RAB5A: variants seen among roughly 807,000 people sequenced by gnomAD.
RAB5A encodes the protein ras-related protein Rab-5A.
A neutral mutation model predicts 25.7 loss-of-function variants in RAB5A; 8 were observed. The ratio of observed to expected loss-of-function variants is 0.31; its 90% CI spans 0.18 to 0.56. The LOEUF is 0.56. Among genes scored for constraint, RAB5A ranks in the 20% least tolerant of loss-of-function variants. The pLI is 0.91. For synonymous variants in RAB5A, 98 were observed against 89.8 expected (o/e 1.09, Z -0.52); for missense variants, 192 against 259.7 (o/e 0.74, Z 1.79).
intron 5 of RAB5A, among the ~76,000 whole-genome samples, chr3:19,982,763 TA>T (rs62910362): frequency 0.22 from 30,777 of 139,482 alleles, 3,671 homozygotes; most frequent in African/African-American, 0.36. Context: ...CCTTGTCTCT[TA>T]AAAAAAAAAA....
At chr3:19,968,412 C>T (rs1261291042) in intron 2 of RAB5A, among the ~76,000 whole-genome samples, 1 of 152,146 alleles carries the variant, frequency 6.6e-6, no homozygotes, top group Non-Finnish European at 1.5e-5. Flanking sequence ...ATTTATTATA[C>T]TCTAGCCAAA....
rs1696328745 is a variant in RAB5A, at chr3:19,947,466, C to G, written c.-149C>G. On this transcript the variant is annotated 5_prime_UTR_variant, in exon 1 of 6. Coordinates refer to ENST00000273047, the MANE Select transcript of RAB5A (RefSeq NM_004162.5). ...TACACTCTCATCCTACGGGCCACGC[C>G]TGGGCCTTGCTGCCAGGAAGCTTCG... 1 of 153,390 alleles carries G rather than the reference C, an allele frequency of 6.5e-6. No individual in the cohort carries two copies. Among genetic ancestry groups the G allele is most frequent in the Non-Finnish European group, 1.5e-5 (1 of 68,578 alleles). The allele number at this position is 153,390 out of a possible 1,614,324, so 9.5% of individuals were successfully genotyped here. A position where few individuals can be genotyped will look rare whatever the true frequency, so the allele number is the denominator to read the frequency against.
At chr3:19,981,021 C>CTATGGTAAAGT (rs1267223524) in intron 5 of RAB5A, among the ~76,000 whole-genome samples, 5 of 152,196 alleles carry the variant, frequency 3.3e-5, no homozygotes, top group Admixed American at 6.5e-5. Flanking sequence ...TGAGTCAAAG[C>CTATGGTAAAGT]TATGGTAAAG....
chr3:19,955,759 C>T (rs1362925249), intron 2 of RAB5A, among the ~76,000 whole-genome samples: 4 of 152,012 alleles, frequency 2.6e-5, no homozygotes, highest in Admixed American at 6.5e-5. Context: ...GGCATGGTGG[C>T]GTGCGCCTGT....
intron 5 of RAB5A, among the ~76,000 whole-genome samples, chr3:19,979,402 G>GCCTCT (rs1259495418): frequency 6.6e-6 from 1 of 151,320 alleles, no homozygotes; most frequent in Non-Finnish European, 1.5e-5. Context: ...TCCTGCCTCA[G>GCCTCT]CCTCTCCTGT....
intron 5 of RAB5A, among the ~76,000 whole-genome samples, chr3:19,980,405 T>C (rs774460643): frequency 1.3e-3 from 201 of 152,210 alleles, no homozygotes; most frequent in Non-Finnish European, 2.4e-3. Context: ...ATGTTGTAAA[T>C]GGAATTGTGG....
intron 2 of RAB5A, among the ~76,000 whole-genome samples, chr3:19,969,627 A>G (rs886601357): frequency 6.6e-6 from 1 of 152,226 alleles, no homozygotes; most frequent in South Asian, 2.1e-4. Context: ...ATTTTTGTGT[A>G]ATCAAATCTG....
intron 3 of RAB5A, 59 bp from the exon 4 acceptor site, chr3:19,975,988 A>G: frequency 1.3e-6 from 2 of 1,572,478 alleles, no homozygotes; most frequent in Non-Finnish European, 1.7e-6. Context: ...TTGTATCACA[A>G]AGATGCTTGG....
At chr3:19,959,674 G>A (rs115286968) in intron 2 of RAB5A, among the ~76,000 whole-genome samples, 2,477 of 148,510 alleles carry the variant, frequency 0.017, 61 homozygotes, top group African/African-American at 0.059. Flanking sequence ...GTTGCCCAGG[G>A]TGAAGTGCAA....
In RAB5A at chr3:19,954,182, C is replaced by T. The variant is rs528544076; in HGVS notation, c.163+3121C>T. 2.0e-5 allele frequency among the ~76,000 whole-genome samples: 3 copies of T among 152,176 alleles called. No homozygotes were observed. The East Asian group carries it at 5.8e-4, about 30-fold the overall frequency. On this transcript the variant is annotated intron_variant, in intron 2 of 5. Coordinates refer to ENST00000273047, the MANE Select transcript of RAB5A (RefSeq NM_004162.5). ...GGCCCACACCACCAATCCCAGTGAA[C>T]TTTTGTATTTTTAGTAGAGACAGGG...
At chr3:19,949,529 G>C (rs1352996886) in intron 1 of RAB5A, among the ~76,000 whole-genome samples, 1 of 152,136 alleles carries the variant, frequency 6.6e-6, no homozygotes, top group Non-Finnish European at 1.5e-5. Flanking sequence ...ATATGAGGTA[G>C]CTAAATGAAA....
At position 19,947,453 on chromosome 3, in the gene RAB5A, C is replaced by G. The variant is rs1170842403; in HGVS notation, c.-162C>G. On this transcript the variant is annotated 5_prime_UTR_variant, in exon 1 of 6. Transcript: ENST00000273047. ...CCACCGCCATAGATACACTCTCATC[C>G]TACGGGCCACGCCTGGGCCTTGCTG... The G allele has an allele frequency of 6.4e-6, 1 of 155,290 alleles. No homozygotes were observed. The highest frequency in any genetic ancestry group is 1.4e-5 in the Non-Finnish European group (1 of 70,134). The allele number at this position is 155,290 out of a possible 1,614,324, so 9.6% of individuals were successfully genotyped here.
At chr3:19,966,140 C>T (rs1696659117) in intron 2 of RAB5A, among the ~76,000 whole-genome samples, 1 of 152,136 alleles carries the variant, frequency 6.6e-6, no homozygotes, top group Non-Finnish European at 1.5e-5. Flanking sequence ...TGTTGTGTAA[C>T]TATCCAAAAC....
chr3:19,954,276 A>T (rs1213794416), intron 2 of RAB5A, among the ~76,000 whole-genome samples: 1 of 152,058 alleles, frequency 6.6e-6, no homozygotes, highest in Non-Finnish European at 1.5e-5. Context: ...CGGCCTCCCA[A>T]AGTGCTGGAA....
chr3:19,951,699 A>C (rs952248053), intron 2 of RAB5A, among the ~76,000 whole-genome samples: 2 of 26,330 alleles, frequency 7.6e-5, no homozygotes, highest in Non-Finnish European at 1.9e-4. Context: ...CATGCCAGGC[A>C]AGTTTTTTTT....
chr3:19,949,762 A>T (rs1696395828), intron 1 of RAB5A, among the ~76,000 whole-genome samples: 1 of 152,206 alleles, frequency 6.6e-6, no homozygotes, highest in Admixed American at 6.5e-5. Flanking sequence ...AATGGCCTGC[A>T]GGCTGGGCGT....
intron 2 of RAB5A, among the ~76,000 whole-genome samples, chr3:19,971,346 A>T (rs1322217832): frequency 6.6e-6 from 1 of 152,058 alleles, no homozygotes; most frequent in African/African-American, 2.4e-5. Flanking sequence ...TTAGTACTGT[A>T]GCACTTTTCA....
chr3:19,969,032 TTTTTTTTTTTTGG>T (rs1354352322), intron 2 of RAB5A, among the ~76,000 whole-genome samples: 16 of 89,622 alleles, frequency 1.8e-4, no homozygotes, highest in African/African-American at 7.2e-4. Context: ...TTGGTTTTGG[TTTTTTTTTTTTGG>T]TTTTTTTTTT....
At chr3:19,949,559 A>C (rs1211965370) in intron 1 of RAB5A, among the ~76,000 whole-genome samples, 1 of 152,146 alleles carries the variant, frequency 6.6e-6, no homozygotes, top group Non-Finnish European at 1.5e-5. Context: ...GTTTTTAGAG[A>C]GGGAATCATC....
Sources: allele counts gnomAD v4.1 joint callset (sites outside exome capture counted in the v4.1 genomes callset), GRCh38; gene constraint gnomAD v4.1.1; transcripts MANE v1.5; gene names NCBI Gene and HGNC (gene_info 2026-07-23, HGNC 2026-07-21).